Variants in TRAPPC6B observed in about 807,000 individuals in gnomAD.
TRAPPC6B encodes the protein TRAPP complex subunit 6B.
In TRAPPC6B, 27 loss-of-function variants were observed where a neutral mutation model predicts 24.7. The observed-to-expected ratio is 1.09, with a 90% CI of 0.81 to 1.51. The LOEUF (loss-of-function observed/expected upper bound fraction) is 1.51. Among genes scored for constraint, TRAPPC6B ranks in the 40% most tolerant of loss-of-function variants. TRAPPC6B has a pLI of 0.00. For synonymous variants in TRAPPC6B, 80 were observed against 66.6 expected (o/e 1.20, Z -0.98); for missense variants, 212 against 190.8 (o/e 1.11, Z -0.66).
chr14:39,151,602 C>T lies in TRAPPC6B; in HGVS notation c.445+144G>A, dbSNP rs537030706. 6.9e-5 allele frequency: 40 copies of T among 577,680 alleles called. 1 individual carries two copies. Among genetic ancestry groups the T allele is most frequent in the Admixed American group, 5.5e-4 (15 of 27,340 alleles). 35.8% of individuals were successfully genotyped at this position (577,680 alleles called of 1,614,324 possible). A position where few individuals can be genotyped will look rare whatever the true frequency, so the allele number is the denominator to read the frequency against. On this transcript the variant is annotated intron_variant, in intron 5 of 5. Coordinates refer to ENST00000330149, the MANE Select transcript of TRAPPC6B (RefSeq NM_001079537.2). ...TACTGAAAATGAATGTAGTATGCTACATATTACTACACTAAAGTGTTACAT... is the reference window on the plus strand; with the variant it reads ...TACTGAAAATGAATGTAGTATGCTATATATTACTACACTAAAGTGTTACAT...
Position 39,158,360 on chromosome 14 carries a change from G to T in TRAPPC6B, c.192C>A (p.Ile64=). The change falls in exon 3 of 6, where the codon ATC becomes ATA. Residue 64 remains isoleucine (I), a synonymous_variant. Transcript: ENST00000330149. The stretch of plus-strand genomic sequence containing the variant: ...AAAAATCTTTACAAATGAACTTCAT[G>T]ATATCTAACTCATCCTTGAACCTTG... ...DTARFKDELD[I]MKFICKDFWT... The T allele has an allele frequency of 6.2e-7, 1 of 1,604,882 alleles. No homozygotes were observed. Among genetic ancestry groups the T allele is most frequent in the South Asian group, 1.1e-5 (1 of 88,560 alleles).
At chr14:39,155,358 C>T (rs1405702883) in intron 3 of TRAPPC6B, among the ~76,000 whole-genome samples, 2 of 152,174 alleles carry the variant, frequency 1.3e-5, no homozygotes, top group African/African-American at 4.8e-5. Context: ...TCTCCTGCCT[C>T]AGCCTCCCAA....
rs753192860 is a variant in TRAPPC6B, at chr14:39,153,703, C to CTT, written c.351+506_351+507dup. ...TTTAGTTATAGTGTTTCTTTTTTTT[C>CTT]TTTTTTTTTTTTTTTGAGATGGAGT... On this transcript the variant is annotated intron_variant, in intron 4 of 5. Transcript: ENST00000330149. Among the ~76,000 whole-genome samples, 137 of 129,090 alleles carry CTT rather than the reference C, an allele frequency of 1.1e-3. 1 individual carries two copies. Among genetic ancestry groups the CTT allele is most frequent in the Middle Eastern group, 3.8e-3 (1 of 262 alleles). 84.7% of individuals were successfully genotyped at this position (129,090 alleles called of 152,430 possible). A position where few individuals can be genotyped will look rare whatever the true frequency, so the allele number is the denominator to read the frequency against.
rs1594549254 is a variant in TRAPPC6B, at chr14:39,170,291, C to T, written c.-196G>A. The T allele has an allele frequency of 1.7e-6, 1 of 580,364 alleles. No individual in the cohort carries two copies. The highest frequency in any genetic ancestry group is 3.0e-5 in the East Asian group (1 of 33,370). 36.0% of individuals were successfully genotyped at this position (580,364 alleles called of 1,614,324 possible). A position where few individuals can be genotyped will look rare whatever the true frequency, so the allele number is the denominator to read the frequency against. On this transcript the variant is annotated 5_prime_UTR_variant, in exon 1 of 6. Transcript: ENST00000330149. ...AAATGAGTCTGGTACTGGAGAGAGC[C>T]CACACTTCGGGGCTACCAAATCCTA... is the stretch of plus-strand genomic sequence containing the variant.
rs1353026113 is a variant in TRAPPC6B at position 39,154,253 on chromosome 14, A to G, written c.309T>C (p.Thr103=). 1 of 1,613,478 alleles carries G rather than the reference A, an allele frequency of 6.2e-7. No homozygotes were observed. Among genetic ancestry groups the G allele is most frequent in the Admixed American group, 1.7e-5 (1 of 59,968 alleles). Residue 103 remains threonine (T), a synonymous_variant, in exon 4 of 6, where the codon ACT becomes ACC. Transcript: ENST00000330149. ...AATACTGTTTTCCTGCAGACATCTG[A>G]GTAAGCAGGCGAAATTTGTTGTCCT... ...VLQDNKFRLL[T]QMSAGKQYLE...
intron 1 of TRAPPC6B, among the ~76,000 whole-genome samples, chr14:39,166,951 T>C (rs903916154): frequency 6.6e-6 from 1 of 152,152 alleles, no homozygotes; most frequent in Non-Finnish European, 1.5e-5. Context: ...TGCTCTCCCA[T>C]TTAGCAGCTC....
intron 5 of TRAPPC6B, among the ~76,000 whole-genome samples, chr14:39,151,282 CG>C (rs1265060306): frequency 1.4e-5 from 2 of 148,088 alleles, no homozygotes; most frequent in Non-Finnish European, 3.0e-5. Context: ...CCCAGCTACT[CG>C]GGAGGTTGAG....
Position 39,159,702 on chromosome 14 carries a change from TTTTA to T in TRAPPC6B, c.82-156_82-153del, listed in dbSNP as rs751862035. 601 of 477,222 alleles carry T rather than the reference TTTTA, an allele frequency of 1.3e-3. 1 individual carries two copies. Among genetic ancestry groups the T allele is most frequent in the Middle Eastern group, 2.2e-3 (4 of 1,790 alleles). 29.6% of individuals were successfully genotyped at this position (477,222 alleles called of 1,614,324 possible). A position where few individuals can be genotyped will look rare whatever the true frequency, so the allele number is the denominator to read the frequency against. On this transcript the variant is annotated intron_variant, in intron 1 of 5. Coordinates refer to ENST00000330149, the MANE Select transcript of TRAPPC6B (RefSeq NM_001079537.2). ...AAGAAAAAGTGAATTATAAGGTTGATTTTATTTATTTTACTTTACTTTTACTTAC... is the reference window on the plus strand; with the variant it reads ...AAGAAAAAGTGAATTATAAGGTTGATTTTATTTTACTTTACTTTTACTTAC...
intron 2 of TRAPPC6B, 82 bp from the exon 3 acceptor site, chr14:39,158,484 G>T: frequency 3.7e-6 from 3 of 809,306 alleles, no homozygotes; most frequent in Non-Finnish European, 4.1e-6. Context: ...ATTTCCAAAT[G>T]CCAGAACAGC....
chr14:39,160,965 A>C (rs1445901475), intron 1 of TRAPPC6B, among the ~76,000 whole-genome samples: 1 of 152,208 alleles, frequency 6.6e-6, no homozygotes, highest in Non-Finnish European at 1.5e-5. Flanking sequence ...TATGAAAACA[A>C]ATGCAGTCCA....
intron 1 of TRAPPC6B, among the ~76,000 whole-genome samples, chr14:39,161,050 A>G (rs1434024060): frequency 6.6e-6 from 1 of 152,228 alleles, no homozygotes; most frequent in Admixed American, 6.5e-5. Flanking sequence ...GCGAATGTAA[A>G]AGAATTAATT....
chr14:39,158,404 TA>T lies in TRAPPC6B; in HGVS notation c.150-3del. ...AACCTTGCAGTATCTTTTGTAAACC[TA>T]AAAAGATCAACTAGAAGTAATACAG... is the stretch of plus-strand genomic sequence containing the variant. On this transcript the variant is annotated splice_polypyrimidine_tract_variant and splice_region_variant and intron_variant, in intron 2 of 5. Coordinates refer to ENST00000330149, the MANE Select transcript of TRAPPC6B (RefSeq NM_001079537.2). The T allele has an allele frequency of 1.3e-6, 2 of 1,517,048 alleles. No individual in the cohort carries two copies. The highest frequency in any genetic ancestry group is 1.8e-6 in the Non-Finnish European group (2 of 1,112,408). 94.0% of individuals were successfully genotyped at this position (1,517,048 alleles called of 1,614,324 possible).
chr14:39,155,839 A>T (rs1327346948), intron 3 of TRAPPC6B, among the ~76,000 whole-genome samples: 2 of 151,880 alleles, frequency 1.3e-5, no homozygotes, highest in African/African-American at 4.8e-5. Context: ...GCCCAGCTTT[A>T]TTTTTTTAAG....
At chr14:39,154,183 A>G (rs533376006) in intron 4 of TRAPPC6B, 28 bp downstream of exon 4, 1 of 1,467,066 alleles carries the variant, frequency 6.8e-7, no homozygotes, top group South Asian at 1.1e-5. Context: ...CTATTAACAA[A>G]AACCCCAACT....
intron 2 of TRAPPC6B, 191 bp from the exon 3 acceptor site, chr14:39,158,593 T>C (rs999057594): frequency 6.2e-6 from 3 of 481,712 alleles, no homozygotes; most frequent in Non-Finnish European, 1.1e-5. Context: ...TCTCGGCTCA[T>C]TGCAACGTCT....
chr14:39,158,568 A>G, intron 2 of TRAPPC6B, 166 bp from the exon 3 acceptor site: 1 of 541,904 alleles, frequency 1.8e-6, no homozygotes, highest in South Asian at 2.4e-5. Flanking sequence ...CCCAGGTTAG[A>G]GTGCAATAGC....
chr14:39,159,666 T>C, intron 1 of TRAPPC6B, 116 bp from the exon 2 acceptor site: 1 of 623,062 alleles, frequency 1.6e-6, no homozygotes, highest in Non-Finnish European at 2.5e-6. Context: ...CTTTTTTCCC[T>C]GAAACAGTTT....
intron 1 of TRAPPC6B, among the ~76,000 whole-genome samples, 200 bp downstream of exon 1, chr14:39,169,815 C>T (rs191796716): frequency 6.6e-6 from 1 of 152,206 alleles, no homozygotes; most frequent in Non-Finnish European, 1.5e-5. Context: ...GAAGAAGATA[C>T]GAAAGAGAAA....
intron 4 of TRAPPC6B, among the ~76,000 whole-genome samples, chr14:39,153,742 C>T (rs1280593301): frequency 1.3e-5 from 2 of 148,868 alleles, no homozygotes; most frequent in South Asian, 4.2e-4. Flanking sequence ...GCTCTTATAC[C>T]CCAGGCTGGA....
Sources: allele counts gnomAD v4.1 joint callset (sites outside exome capture counted in the v4.1 genomes callset), GRCh38; gene constraint gnomAD v4.1.1; transcripts MANE v1.5; gene names NCBI Gene and HGNC (gene_info 2026-07-23, HGNC 2026-07-21).